MACROH2A1: variants seen among roughly 807,000 people sequenced by gnomAD.
MACROH2A1 encodes the protein macroH2A.1 histone.
MACROH2A1 carries 2 observed loss-of-function variants against 31.6 expected under a neutral mutation model. That is an observed-to-expected ratio of 0.06 (90% CI 0.03 to 0.20). The LOEUF (loss-of-function observed/expected upper bound fraction) is 0.20, where lower values mean the gene tolerates loss of function less well. Among genes scored for constraint, MACROH2A1 ranks in the 10% least tolerant of loss-of-function variants. The pLI, the probability that MACROH2A1 is intolerant of heterozygous loss-of-function variation, is 1.00. For synonymous variants in MACROH2A1, 169 were observed against 189.6 expected (o/e 0.89, Z 0.89); for missense variants, 230 against 474.0 (o/e 0.49, Z 4.78).
At chr5:135,349,623 G>C (rs1374046441) in intron 6 of MACROH2A1, among the ~76,000 whole-genome samples, 1 of 152,108 alleles carries the variant, frequency 6.6e-6, no homozygotes, top group African/African-American at 2.4e-5. Context: ...TGCACATCTA[G>C]CATCCAGGAC....
chr5:135,377,955 G>A (rs888000494), intron 2 of MACROH2A1, among the ~76,000 whole-genome samples: 2 of 152,330 alleles, frequency 1.3e-5, no homozygotes, highest in Admixed American at 6.5e-5. Context: ...AGGCCCCTGA[G>A]AGGGCACTAT....
intron 4 of MACROH2A1, among the ~76,000 whole-genome samples, chr5:135,363,377 A>C (rs984994824): frequency 6.6e-6 from 1 of 152,200 alleles, no homozygotes; most frequent in African/African-American, 2.4e-5. Context: ...ACGGGACAAC[A>C]GGGCAGGTGC....
intron 8 of MACROH2A1, among the ~76,000 whole-genome samples, chr5:135,337,143 C>T (rs779017637): frequency 6.6e-6 from 1 of 152,272 alleles, no homozygotes; most frequent in African/African-American, 2.4e-5. Context: ...CAGCCTCACA[C>T]GTGCACAGGG....
chr5:135,380,238 G>C (rs1468631964), intron 2 of MACROH2A1, among the ~76,000 whole-genome samples: 5 of 152,118 alleles, frequency 3.3e-5, no homozygotes, highest in Admixed American at 2.0e-4. Flanking sequence ...AAAGGTGAGG[G>C]AGGGGTGGGG....
At chr5:135,343,072 AT>A in intron 8 of MACROH2A1, 187 bp downstream of exon 8, 1 of 1,384,850 alleles carries the variant, frequency 7.2e-7, no homozygotes, top group Non-Finnish European at 9.7e-7. Context: ...CATCCTTGGG[AT>A]TTGGGTCTCT....
intron 1 of MACROH2A1, among the ~76,000 whole-genome samples, chr5:135,397,468 T>C (rs1232728359): frequency 6.6e-6 from 1 of 152,196 alleles, no homozygotes; most frequent in African/African-American, 2.4e-5. Context: ...ACAATTTTCA[T>C]TTAGACAACC....
At chr5:135,337,984 T>A (rs533794819) in intron 8 of MACROH2A1, 1 of 1,207,746 alleles carries the variant, frequency 8.3e-7, no homozygotes, top group East Asian at 7.1e-5. Flanking sequence ...TGCTCTGGAC[T>A]GCGCAGGCTG....
chr5:135,370,200 G>T, intron 2 of MACROH2A1, 58 bp from the exon 3 acceptor site: 2 of 1,061,626 alleles, frequency 1.9e-6, no homozygotes, highest in Non-Finnish European at 2.8e-6. Context: ...TCCCCGCCCC[G>T]GTCCCCACAT....
At chr5:135,350,880 C>T (rs1037042380) in intron 6 of MACROH2A1, 4 of 1,613,118 alleles carry the variant, frequency 2.5e-6, no homozygotes, top group Non-Finnish European at 2.5e-6. Flanking sequence ...GCATCACTGT[C>T]GATCGAGGCA....
intron 1 of MACROH2A1, among the ~76,000 whole-genome samples, chr5:135,396,671 CG>C (rs1238338003): frequency 5.3e-5 from 8 of 152,034 alleles, no homozygotes; most frequent in African/African-American, 1.9e-4. Flanking sequence ...TGGGGGGCTA[CG>C]TGGGGCCTTT....
At chr5:135,343,162 C>T in intron 8 of MACROH2A1, 98 bp downstream of exon 8, 4 of 1,597,226 alleles carry the variant, frequency 2.5e-6, no homozygotes, top group Non-Finnish European at 2.5e-6. Flanking sequence ...AAGGCAGCCT[C>T]CGTGGGCCTT....
rs765720482 is a variant in MACROH2A1, at chr5:135,389,138, A to G, written c.-33-12T>C. The G allele has an allele frequency of 6.3e-7, 1 of 1,583,766 alleles. No individual in the cohort carries two copies. Among genetic ancestry groups the G allele is most frequent in the Non-Finnish European group, 8.6e-7 (1 of 1,158,436 alleles). ...GATCAGTGAGCACACTGTGAAGGCG[A>G]GAGGCACACCGGTCAGGGTGGCTGG... On this transcript the variant is annotated splice_polypyrimidine_tract_variant and intron_variant, in intron 1 of 8. Transcript: ENST00000511689.
intron 6 of MACROH2A1, among the ~76,000 whole-genome samples, chr5:135,347,990 C>T (rs1404394398): frequency 2.0e-5 from 3 of 152,182 alleles, no homozygotes; most frequent in East Asian, 1.9e-4. Context: ...ATGGGCTGAT[C>T]TATAATTAAA....
intron 4 of MACROH2A1, chr5:135,363,045 C>T (rs1054624577): frequency 1.3e-5 from 2 of 152,160 alleles, no homozygotes; most frequent in African/African-American, 4.8e-5. Context: ...AAACTGCTCC[C>T]TTTCCCTAAG....
intron 3 of MACROH2A1, 25 bp downstream of exon 3, chr5:135,370,011 A>T: frequency 7.0e-7 from 1 of 1,421,894 alleles, no homozygotes; most frequent in Non-Finnish European, 9.9e-7. Flanking sequence ...CTCAAACATC[A>T]GTGGGAGATG....
chr5:135,336,435 C>T (rs959456983), intron 8 of MACROH2A1, among the ~76,000 whole-genome samples: 11 of 152,178 alleles, frequency 7.2e-5, no homozygotes, highest in Non-Finnish European at 1.0e-4. Flanking sequence ...AAGAGATGTG[C>T]CCCCAGCCTA....
At chr5:135,380,514 C>T (rs530848779) in intron 2 of MACROH2A1, among the ~76,000 whole-genome samples, 7 of 152,210 alleles carry the variant, frequency 4.6e-5, no homozygotes, top group African/African-American at 7.2e-5. Flanking sequence ...ACTTGGGTTC[C>T]GTAGCAGGCA....
chr5:135,397,323 A>C (rs1373783365), intron 1 of MACROH2A1, among the ~76,000 whole-genome samples: 1 of 152,122 alleles, frequency 6.6e-6, no homozygotes. Context: ...TCACTCCCTG[A>C]CACTGGCCCA....
intron 5 of MACROH2A1, chr5:135,358,244 A>C (rs1762414959): frequency 1.0e-6 from 1 of 985,162 alleles, no homozygotes; most frequent in Non-Finnish European, 1.2e-6. Flanking sequence ...ATCAATGCTC[A>C]CTCCGTCTCA....
Sources: allele counts gnomAD v4.1 joint callset (sites outside exome capture counted in the v4.1 genomes callset), GRCh38; gene constraint gnomAD v4.1.1; transcripts MANE v1.5; gene names NCBI Gene and HGNC (gene_info 2026-07-23, HGNC 2026-07-21).